CPNE9: variants seen among roughly 807,000 people sequenced by gnomAD.
CPNE9 encodes copine-9.
CPNE9 carries 59 observed loss-of-function variants against 83.0 expected under a neutral mutation model. The ratio of observed to expected loss-of-function variants is 0.71; its 90% CI spans 0.58 to 0.88. CPNE9 has a LOEUF of 0.88. CPNE9 is among the 40% of genes least tolerant of loss of function. CPNE9 has a pLI of 0.00. For synonymous variants in CPNE9, 256 were observed against 273.4 expected, an observed-to-expected ratio of 0.94 and a Z score of 0.63; for missense variants, 619 against 720.8, an observed-to-expected ratio of 0.86 and a Z score of 1.62.
chr3:9,714,212 A>G (rs1275005203), intron 10 of CPNE9, among the ~76,000 whole-genome samples: 1 of 152,232 alleles, frequency 6.6e-6, no homozygotes, highest in Non-Finnish European at 1.5e-5. Flanking sequence ...TAGTTGGTAG[A>G]CAGACAGACA....
At position 9,717,047 on chromosome 3, in the gene CPNE9, T is replaced by G. The variant is rs767936942; in HGVS notation, c.885-11T>G. 1.9e-6 allele frequency: 3 copies of G among 1,614,040 alleles called. No individual in the cohort carries two copies. The highest frequency in any genetic ancestry group is 1.7e-6 in the Non-Finnish European group (2 of 1,179,886). ...GTTCCTCACTTCTCAATTCATCTGC[T>G]TCCCCAACAGGACACAGCTGAACTT... On this transcript the variant is annotated splice_polypyrimidine_tract_variant and intron_variant, in intron 14 of 20. Coordinates refer to ENST00000383832, the MANE Select transcript of CPNE9 (RefSeq NM_153635.3).
At chr3:9,709,577 C>T (rs1394502105) in intron 7 of CPNE9, among the ~76,000 whole-genome samples, 2 of 151,460 alleles carry the variant, frequency 1.3e-5, no homozygotes, top group African/African-American at 2.4e-5. Context: ...GCCACCGTGG[C>T]CAGGCTGGTC....
intron 7 of CPNE9, among the ~76,000 whole-genome samples, chr3:9,707,912 A>G (rs138214641): frequency 1.2e-3 from 183 of 151,870 alleles, no homozygotes; most frequent in African/African-American, 3.6e-3. Context: ...ATCCAAGTGG[A>G]GGTATCAAAT....
chr3:9,728,722 TTTTG>T (rs1469189249), intron 20 of CPNE9, among the ~76,000 whole-genome samples: 1 of 152,274 alleles, frequency 6.6e-6, no homozygotes, highest in East Asian at 1.9e-4. Flanking sequence ...ACAGATTTTC[TTTTG>T]TTTTTTTTCT....
chr3:9,720,866 T>C (rs1487837634), intron 17 of CPNE9, among the ~76,000 whole-genome samples: 1 of 152,242 alleles, frequency 6.6e-6, no homozygotes, highest in Non-Finnish European at 1.5e-5. Flanking sequence ...GTTAACACTC[T>C]GGTTCTATCA....
chr3:9,725,079 T>G (rs893367497), intron 17 of CPNE9, among the ~76,000 whole-genome samples: 2 of 152,086 alleles, frequency 1.3e-5, no homozygotes, highest in African/African-American at 2.4e-5. Context: ...GGTACCGTCA[T>G]AGCAGTGTCC....
In CPNE9 at chr3:9,729,495, T is replaced by C; in HGVS notation, c.1477-12T>C. The C allele has an allele frequency of 8.7e-6, 14 of 1,606,304 alleles. No individual in the cohort carries two copies. The highest frequency in any genetic ancestry group is 1.2e-5 in the Non-Finnish European group (14 of 1,174,112). On this transcript the variant is annotated splice_polypyrimidine_tract_variant and intron_variant, in intron 20 of 20. Transcript: ENST00000383832. ...GTCATGGCTTATCTCTTCTTGTCTGTGCCTGACCCAGTTCGTCCCATTCCG... is the reference window on the plus strand; with the variant it reads ...GTCATGGCTTATCTCTTCTTGTCTGCGCCTGACCCAGTTCGTCCCATTCCG...
At chr3:9,705,344 A>G in intron 4 of CPNE9, 120 bp from the exon 5 acceptor site, 1 of 757,532 alleles carries the variant, frequency 1.3e-6, no homozygotes, top group South Asian at 1.7e-5. Context: ...CCAAAGCTGA[A>G]TTCGGGTCCA....
chr3:9,712,016 G>A (rs1162589951), intron 7 of CPNE9, among the ~76,000 whole-genome samples: 2 of 152,100 alleles, frequency 1.3e-5, no homozygotes, highest in South Asian at 2.1e-4. Context: ...AGCTCCCTGC[G>A]GGCAGTCTAG....
chr3:9,717,691 T>TGGATGGAC (rs1422540957), intron 15 of CPNE9, among the ~76,000 whole-genome samples: 6 of 151,868 alleles, frequency 4.0e-5, no homozygotes, highest in African/African-American at 1.5e-4. Flanking sequence ...GATGGATGGA[T>TGGATGGAC]GGACTGATGG....
Position 9,706,076 on chromosome 3 carries a change from G to A in CPNE9, c.377+13G>A, listed in dbSNP as rs1239215741. 1 of 1,612,754 alleles carries A rather than the reference G, an allele frequency of 6.2e-7. No individual in the cohort carries two copies. The highest frequency in any genetic ancestry group is 8.5e-7 in the Non-Finnish European group (1 of 1,179,696). On this transcript the variant is annotated intron_variant, in intron 7 of 20. Transcript: ENST00000383832. Reference sequence around the variant, plus strand: ...AGCGAACCCTCACGTAAGCTGAATAGGAAGGGGTGTGGGAGTGGGGTGGGG... The same window carrying A: ...AGCGAACCCTCACGTAAGCTGAATAAGAAGGGGTGTGGGAGTGGGGTGGGG...
intron 17 of CPNE9, among the ~76,000 whole-genome samples, chr3:9,725,620 G>GTA (rs4021199): frequency 4.0e-5 from 4 of 99,330 alleles, no homozygotes; most frequent in East Asian, 2.0e-4. Flanking sequence ...GTATACATGT[G>GTA]TATATATATG....
At chr3:9,706,978 C>T (rs772835141) in intron 7 of CPNE9, among the ~76,000 whole-genome samples, 2 of 152,082 alleles carry the variant, frequency 1.3e-5, no homozygotes, top group Non-Finnish European at 1.5e-5. Flanking sequence ...TCCTCTGAAA[C>T]GGGAGTCACT....
In CPNE9 at chr3:9,729,689, C is replaced by T. The variant is rs537573606; in HGVS notation, c.1659C>T (p.Pro553=). Residue 553 remains proline (P), a synonymous_variant, in exon 21 of 21, where the codon CCC becomes CCT. Transcript: ENST00000383832. The stretch of plus-strand genomic sequence containing the variant: ...GCCCGATCCCAGCTCCAGAGCAGCC[C>T]TGAGGATTCCACATATCCAATGCCT... ...NPSPIPAPEQ[P] is the part of the protein sequence containing the mutation. 6.2e-7 allele frequency: 1 copy of T among 1,611,654 alleles called. No individual in the cohort carries two copies. The highest frequency in any genetic ancestry group is 1.3e-5 in the African/African-American group (1 of 75,008).
chr3:9,724,917 T>A (rs930564407), intron 17 of CPNE9, among the ~76,000 whole-genome samples: 5 of 151,990 alleles, frequency 3.3e-5, no homozygotes, highest in Non-Finnish European at 5.9e-5. Flanking sequence ...CCACCACGCC[T>A]GGCTAGTTTT....
chr3:9,705,001 C>T lies in CPNE9; in HGVS notation c.260+7C>T. The T allele has an allele frequency of 3.8e-6, 6 of 1,597,838 alleles. No individual in the cohort carries two copies. The highest frequency in any genetic ancestry group is 5.1e-6 in the Non-Finnish European group (6 of 1,170,008). On this transcript the variant is annotated splice_region_variant and intron_variant, in intron 4 of 20. Transcript: ENST00000383832. ...AAAATCTGCGCTTCGATGTGTGAGG[C>T]CCCGCCTGGAATTCTGGCTTGGCCC...
intron 7 of CPNE9, among the ~76,000 whole-genome samples, chr3:9,707,034 AG>A (rs1264876780): frequency 3.9e-5 from 6 of 152,160 alleles, no homozygotes; most frequent in Admixed American, 2.0e-4. Flanking sequence ...GGCTTACAAA[AG>A]ATGGTGCTAG....
intron 17 of CPNE9, among the ~76,000 whole-genome samples, chr3:9,720,609 ATGTAT>A (rs1476389320): frequency 6.6e-6 from 1 of 152,218 alleles, no homozygotes; most frequent in African/African-American, 2.4e-5. Context: ...TGGAATGTGG[ATGTAT>A]ATACAGTTCT....
chr3:9,714,766 A>T, intron 10 of CPNE9, 148 bp from the exon 11 acceptor site: 1 of 639,294 alleles, frequency 1.6e-6, no homozygotes, highest in Non-Finnish European at 2.8e-6. Context: ...GAATGAATAG[A>T]CAGGATGGGA....
Sources: gnomAD v4.1 joint callset for allele counts (sites outside exome capture counted in the v4.1 genomes callset) on GRCh38, gnomAD v4.1.1 for gene constraint, MANE v1.5 for transcripts, NCBI Gene and HGNC (gene_info 2026-07-23, HGNC 2026-07-21) for gene names.